Variants in DLC1 observed in about 807,000 individuals in gnomAD.
DLC1 encodes the protein DLC1 Rho GTPase activating protein.
Under a neutral mutation model 140.3 loss-of-function variants are expected in DLC1, and 54 were observed. That is an observed-to-expected ratio of 0.38 (90% CI 0.31 to 0.48). DLC1 has a LOEUF of 0.48. Among genes scored for constraint, DLC1 ranks in the 20% least tolerant of loss-of-function variants. The pLI, the probability that DLC1 is intolerant of heterozygous loss-of-function variation, is 0.96. For missense variants in DLC1, 2,536 were observed against 1,907.0 expected (o/e 1.33, Z -6.14); for synonymous variants, 986 against 728.1 (o/e 1.35, Z -5.70).
chr8:13,588,803 G>C (rs1282782811), intron 1 of DLC1, among the ~76,000 whole-genome samples: 3 of 151,956 alleles, frequency 2.0e-5, no homozygotes, highest in African/African-American at 7.3e-5. Context: ...AGAAGCATAG[G>C]GGCTGGGAGA....
chr8:13,161,193 C>T (rs1318307326), intron 5 of DLC1, among the ~76,000 whole-genome samples: 5 of 152,254 alleles, frequency 3.3e-5, no homozygotes, highest in Non-Finnish European at 5.9e-5. Flanking sequence ...CCTATGTCTA[C>T]GTGAAGCAGA....
chr8:13,146,144 G>A (rs1292572493), intron 5 of DLC1, among the ~76,000 whole-genome samples: 1 of 151,928 alleles, frequency 6.6e-6, no homozygotes, highest in Admixed American at 6.6e-5. Flanking sequence ...ACATAGTCGT[G>A]TGTGCATGTA....
At chr8:13,103,161 A>T (rs1029058711) in intron 7 of DLC1, among the ~76,000 whole-genome samples, 2 of 151,586 alleles carry the variant, frequency 1.3e-5, no homozygotes, top group Non-Finnish European at 2.9e-5. Context: ...ATACAAAAAA[A>T]CAAGCCGGGC....
At chr8:13,500,886 G>A (rs1479797902) in intron 1 of DLC1, among the ~76,000 whole-genome samples, 1 of 152,062 alleles carries the variant, frequency 6.6e-6, no homozygotes, top group African/African-American at 2.4e-5. Flanking sequence ...CTTGCAAGCT[G>A]GTATTTTTGA....
At chr8:13,436,689 C>G (rs72603966) in intron 2 of DLC1, among the ~76,000 whole-genome samples, 13,583 of 152,222 alleles carry the variant, frequency 0.089, 673 homozygotes, top group Admixed American at 0.12. Context: ...CAGAGCTCTG[C>G]TCTACTGCCT....
At position 13,560,894 on chromosome 8, in the gene DLC1, C is replaced by G. The variant is rs78933626; in HGVS notation, c.-126+43643G>C. ...TGGAACAGATCCTCCCCTCACAACC[C>G]TCAGAAGGAACCAACCCTACTGATG... On this transcript the variant is annotated intron_variant, in intron 1 of 1. Transcript: ENST00000631382. Among the ~76,000 whole-genome samples the G allele has an allele frequency of 8.7e-3, 1,317 of 152,130 alleles. 19 individuals carry two copies. Among genetic ancestry groups the G allele is most frequent in the African/African-American group, 0.03 (1,239 of 41,502 alleles).
intron 4 of DLC1, among the ~76,000 whole-genome samples, chr8:13,348,651 G>A (rs937014883): frequency 7.9e-5 from 12 of 152,018 alleles, no homozygotes; most frequent in African/African-American, 2.9e-4. Flanking sequence ...GAAAATCACA[G>A]AAGAAGCAGA....
At chr8:13,235,403 C>T (rs953480651) in intron 5 of DLC1, among the ~76,000 whole-genome samples, 12 of 152,010 alleles carry the variant, frequency 7.9e-5, no homozygotes, top group African/African-American at 2.9e-4. Flanking sequence ...ATTACATTCT[C>T]CTCAAAGCTT....
intron 3 of DLC1, among the ~76,000 whole-genome samples, chr8:13,397,209 C>A (rs1159561316): frequency 6.6e-6 from 1 of 152,084 alleles, no homozygotes; most frequent in African/African-American, 2.4e-5. Flanking sequence ...ACTGCTGACC[C>A]TCAATATAGA....
chr8:13,592,974 A>C (rs528450900), intron 1 of DLC1, among the ~76,000 whole-genome samples: 1 of 152,106 alleles, frequency 6.6e-6, no homozygotes, highest in Non-Finnish European at 1.5e-5. Context: ...TTTTCTTCCA[A>C]ATATTTCCAA....
At chr8:13,597,426 C>G (rs1805719775) in intron 1 of DLC1, among the ~76,000 whole-genome samples, 1 of 151,974 alleles carries the variant, frequency 6.6e-6, no homozygotes. Flanking sequence ...GTTCTAATAG[C>G]ATGTTAAAAT....
At chr8:13,454,297 G>GTTGA (rs1799290972) in intron 2 of DLC1, among the ~76,000 whole-genome samples, 1 of 151,684 alleles carries the variant, frequency 6.6e-6, no homozygotes, top group East Asian at 1.9e-4. Context: ...GAAGCAGTTG[G>GTTGA]AAAAAAATTG....
intron 4 of DLC1, among the ~76,000 whole-genome samples, chr8:13,345,684 A>C (rs1386018776): frequency 6.7e-6 from 1 of 149,310 alleles, no homozygotes; most frequent in South Asian, 2.1e-4. Flanking sequence ...CAGCCTCCCG[A>C]GTAGCTGGGA....
chr8:13,233,963 G>A (rs1193870583), intron 5 of DLC1, among the ~76,000 whole-genome samples: 2 of 152,064 alleles, frequency 1.3e-5, no homozygotes, highest in African/African-American at 2.4e-5. Flanking sequence ...AACCATTCAC[G>A]AGCTACAAGA....
intron 1 of DLC1, among the ~76,000 whole-genome samples, chr8:13,550,012 A>G (rs1354845466): frequency 1.3e-5 from 2 of 152,172 alleles, no homozygotes; most frequent in African/African-American, 2.4e-5. Context: ...TCAGTGAAGT[A>G]TCTTCATCCT....
At chr8:13,477,435 A>G (rs916104212) in intron 2 of DLC1, among the ~76,000 whole-genome samples, 13 of 152,206 alleles carry the variant, frequency 8.5e-5, no homozygotes, top group Admixed American at 7.9e-4. Context: ...TTGTATTTCT[A>G]TAAGACTTTG....
intron 5 of DLC1, among the ~76,000 whole-genome samples, chr8:13,235,712 A>G (rs962822089): frequency 1.3e-5 from 2 of 152,004 alleles, no homozygotes; most frequent in Admixed American, 1.3e-4. Context: ...CTTGGAAGAT[A>G]TTTCCTAAGA....
chr8:13,272,633 A>G (rs1830984152), intron 5 of DLC1, among the ~76,000 whole-genome samples: 1 of 152,116 alleles, frequency 6.6e-6, no homozygotes, highest in South Asian at 2.1e-4. Context: ...AGGCCGAGGC[A>G]GTCGGATCAC....
chr8:13,150,572 C>G (rs1823732375), intron 5 of DLC1, among the ~76,000 whole-genome samples: 1 of 152,162 alleles, frequency 6.6e-6, no homozygotes, highest in Non-Finnish European at 1.5e-5. Flanking sequence ...GCTTTAATAT[C>G]CTCTTAGACA....
Sources: allele counts gnomAD v4.1 joint callset (sites outside exome capture counted in the v4.1 genomes callset), GRCh38; gene constraint gnomAD v4.1.1; transcripts MANE v1.5; gene names NCBI Gene and HGNC (gene_info 2026-07-23, HGNC 2026-07-21).